Variants in MYO3B observed in about 807,000 individuals in gnomAD.
MYO3B encodes the protein myosin-IIIb.
A neutral mutation model predicts 174.6 loss-of-function variants in MYO3B; 156 were observed. The ratio of observed to expected loss-of-function variants is 0.89; its 90% CI spans 0.78 to 1.02. The LOEUF (loss-of-function observed/expected upper bound fraction) is 1.02. MYO3B is among the 50% of genes least tolerant of loss of function. The pLI is 0.00. For synonymous variants in MYO3B, 563 were observed against 569.1 expected (o/e 0.99, Z 0.15); for missense variants, 1,632 against 1,639.4 (o/e 1.00, Z 0.08).
chr2:170,302,557 A>G (rs2093672780), intron 7 of MYO3B, among the ~76,000 whole-genome samples: 1 of 151,980 alleles, frequency 6.6e-6, no homozygotes, highest in Non-Finnish European at 1.5e-5. Flanking sequence ...CTGACTCCAA[A>G]CTCTTAAAGC....
chr2:170,181,490 AGAC>A lies in MYO3B; in HGVS notation c.2+3202_2+3204del, dbSNP rs142587523. ...AGTATTCAATATAAATGATGAGAGC[AGAC>A]ATCCTTGGCTTCTGATCTTAAGGTG... On this transcript the variant is annotated intron_variant, in intron 1 of 34. Coordinates refer to ENST00000408978, the MANE Select transcript of MYO3B (RefSeq NM_138995.5). Among the ~76,000 whole-genome samples the A allele has an allele frequency of 3.1e-3, 471 of 152,272 alleles. 3 individuals carry two copies. The highest frequency in any genetic ancestry group is 0.011 in the African/African-American group (450 of 41,570).
At chr2:170,405,666 T>A (rs927732400) in intron 21 of MYO3B, 33 bp downstream of exon 21, 13 of 1,590,684 alleles carry the variant, frequency 8.2e-6, no homozygotes, top group Admixed American at 1.7e-5. Flanking sequence ...TAGACCTGAA[T>A]TTGGCAAAGG....
At chr2:170,256,240 C>T (rs776413122) in intron 7 of MYO3B, among the ~76,000 whole-genome samples, 1 of 152,110 alleles carries the variant, frequency 6.6e-6, no homozygotes, top group Non-Finnish European at 1.5e-5. Flanking sequence ...AAAATTTCCC[C>T]AATTTCACAA....
chr2:170,491,467 A>ACC (rs1686466146), intron 25 of MYO3B, among the ~76,000 whole-genome samples: 1 of 146,950 alleles, frequency 6.8e-6, no homozygotes, highest in South Asian at 2.2e-4. Flanking sequence ...GTCTCTGTCG[A>ACC]CAGGCTGGAG....
At chr2:170,478,616 T>G (rs975492171) in intron 25 of MYO3B, among the ~76,000 whole-genome samples, 1 of 143,426 alleles carries the variant, frequency 7.0e-6, no homozygotes, top group Non-Finnish European at 1.5e-5. Context: ...TCACCCAGGC[T>G]GGAGTACAGT....
chr2:170,375,529 C>G (rs1169406262), intron 9 of MYO3B, among the ~76,000 whole-genome samples: 1 of 150,218 alleles, frequency 6.7e-6, no homozygotes, highest in Non-Finnish European at 1.5e-5. Context: ...TTTTTCTGCT[C>G]TGTTTAATGG....
chr2:170,457,618 C>T (rs553120775), intron 23 of MYO3B, among the ~76,000 whole-genome samples: 30 of 152,308 alleles, frequency 2.0e-4, no homozygotes, highest in African/African-American at 6.7e-4. Context: ...AGGTCTAACA[C>T]GCATAGTGTC....
At chr2:170,639,501 G>A (rs1575319239) in intron 32 of MYO3B, among the ~76,000 whole-genome samples, 1 of 152,282 alleles carries the variant, frequency 6.6e-6, no homozygotes, top group East Asian at 1.9e-4. Context: ...TGGGGCCTCA[G>A]AATAAAGGAG....
At chr2:170,374,622 T>C (rs4668248) in intron 9 of MYO3B, among the ~76,000 whole-genome samples, 1 of 152,084 alleles carries the variant, frequency 6.6e-6, no homozygotes. Context: ...TGTACTGTGC[T>C]TGGAGGGCTT....
intron 32 of MYO3B, among the ~76,000 whole-genome samples, chr2:170,560,399 C>T (rs551599658): frequency 7.3e-4 from 111 of 152,274 alleles, no homozygotes; most frequent in Middle Eastern, 3.4e-3. Flanking sequence ...AGTCACCATC[C>T]AGAAAGGTCT....
At chr2:170,305,390 C>G (rs1049278919) in intron 7 of MYO3B, among the ~76,000 whole-genome samples, 4 of 152,166 alleles carry the variant, frequency 2.6e-5, no homozygotes, top group Admixed American at 1.3e-4. Flanking sequence ...TCATTTTCCC[C>G]CCAAAATGTT....
Position 170,360,934 on chromosome 2 carries a change from C to T in MYO3B, c.816-8288C>T, listed in dbSNP as rs181393637. On this transcript the variant is annotated intron_variant, in intron 8 of 34. Transcript: ENST00000408978. ...GTCAGAACTGTGAGAAAGTACATTTCTGTTCTTTATAAATTACCCAGTCTT... is the reference window on the plus strand; with the variant it reads ...GTCAGAACTGTGAGAAAGTACATTTTTGTTCTTTATAAATTACCCAGTCTT... Among the ~76,000 whole-genome samples, 3 of 152,334 alleles carry T rather than the reference C, an allele frequency of 2.0e-5. No individual in the cohort carries two copies. The East Asian group carries it at 5.8e-4, about 29-fold the overall frequency.
intron 32 of MYO3B, among the ~76,000 whole-genome samples, chr2:170,566,458 T>C (rs1337710281): frequency 6.6e-6 from 1 of 152,212 alleles, no homozygotes; most frequent in African/African-American, 2.4e-5. Flanking sequence ...TTTAGTCTCT[T>C]TTTGAATATG....
chr2:170,257,451 T>C (rs1215918222), intron 7 of MYO3B, among the ~76,000 whole-genome samples: 1 of 152,066 alleles, frequency 6.6e-6, no homozygotes, highest in Admixed American at 6.5e-5. Flanking sequence ...AACCACACAA[T>C]TGCATGGAAA....
At chr2:170,521,978 A>G (rs1467280418) in intron 30 of MYO3B, among the ~76,000 whole-genome samples, 2 of 152,220 alleles carry the variant, frequency 1.3e-5, no homozygotes, top group Admixed American at 6.5e-5. Context: ...CTTTCCTTGA[A>G]GAGCCCTCTT....
chr2:170,365,200 G>A (rs1385467220), intron 8 of MYO3B, among the ~76,000 whole-genome samples: 1 of 152,174 alleles, frequency 6.6e-6, no homozygotes, highest in Non-Finnish European at 1.5e-5. Context: ...GTCCTCCTGT[G>A]GGAGTTGAGG....
chr2:170,343,101 G>GC lies in MYO3B; in HGVS notation c.815+7652dup, dbSNP rs201537124. Among the ~76,000 whole-genome samples the GC allele has an allele frequency of 8.8e-3, 1,301 of 148,604 alleles. 9 individuals carry two copies. The highest frequency in any genetic ancestry group is 0.011 in the Non-Finnish European group (721 of 67,332). ...CACCCCTCTCCACCCCTTCTCAATG[G>GC]CAACAGCTCCCTCCACCTGAAAGAA... On this transcript the variant is annotated intron_variant, in intron 8 of 34. Transcript: ENST00000408978.
At chr2:170,352,256 G>A (rs1377401709) in intron 8 of MYO3B, among the ~76,000 whole-genome samples, 1 of 152,106 alleles carries the variant, frequency 6.6e-6, no homozygotes, top group Admixed American at 6.5e-5. Context: ...CCCGGCCTAG[G>A]CACGCATAGG....
At chr2:170,260,141 T>C (rs1043725547) in intron 7 of MYO3B, among the ~76,000 whole-genome samples, 2 of 152,132 alleles carry the variant, frequency 1.3e-5, no homozygotes, top group Admixed American at 1.3e-4. Context: ...AGTTAAGCAG[T>C]GGAAAGCAGT....
Sources: gnomAD v4.1 joint callset for allele counts (sites outside exome capture counted in the v4.1 genomes callset) on GRCh38, gnomAD v4.1.1 for gene constraint, MANE v1.5 for transcripts, NCBI Gene and HGNC (gene_info 2026-07-23, HGNC 2026-07-21) for gene names.